ABCB11: variants seen among roughly 807,000 people sequenced by gnomAD.
ABCB11 encodes the protein ATP binding cassette subfamily B member 11, also known as bile salt export pump.
Under a neutral mutation model 148.0 loss-of-function variants are expected in ABCB11, and 95 were observed. The observed-to-expected ratio is 0.64, with a 90% CI of 0.54 to 0.76. The LOEUF is 0.76. Ranked by LOEUF, ABCB11 falls within the 30% of genes least tolerant of loss-of-function variation. The probability of loss-of-function intolerance (pLI) is 0.00; values close to 1 mark genes in which losing one functional copy is unlikely to be tolerated. For missense variants in ABCB11, 1,523 were observed against 1,617.8 expected, an observed-to-expected ratio of 0.94 and a Z score of 1.01; for synonymous variants, 591 against 555.4, an observed-to-expected ratio of 1.06 and a Z score of -0.90.
intron 18 of ABCB11, among the ~76,000 whole-genome samples, chr2:168,958,460 G>C (rs1048368289): frequency 6.6e-6 from 1 of 151,496 alleles, no homozygotes; most frequent in African/African-American, 2.4e-5. Flanking sequence ...GAAAACCTTT[G>C]CTACGGTTGT....
chr2:168,974,541 A>C (rs1693730197), intron 12 of ABCB11, among the ~76,000 whole-genome samples: 1 of 151,958 alleles, frequency 6.6e-6, no homozygotes, highest in African/African-American at 2.4e-5. Flanking sequence ...TAGGAGTCAA[A>C]CTTGCAAATA....
At chr2:168,953,189 TG>T (rs1237520836) in intron 19 of ABCB11, among the ~76,000 whole-genome samples, 2 of 151,690 alleles carry the variant, frequency 1.3e-5, no homozygotes, top group African/African-American at 4.8e-5. Flanking sequence ...CTGTAGTTGT[TG>T]GGTAGAATGT....
intron 8 of ABCB11, 78 bp downstream of exon 8, chr2:168,993,633 G>T: frequency 7.4e-7 from 1 of 1,354,248 alleles, no homozygotes; most frequent in South Asian, 1.3e-5. Flanking sequence ...CTCAGGAAAA[G>T]GGACTCAAGC....
intron 12 of ABCB11, among the ~76,000 whole-genome samples, chr2:168,976,114 C>A (rs1374280101): frequency 6.6e-6 from 1 of 152,054 alleles, no homozygotes; most frequent in Non-Finnish European, 1.5e-5. Context: ...GATGCAGTGA[C>A]CTAGTGAATT....
At chr2:168,960,920 T>A (rs1241768403) in intron 18 of ABCB11, among the ~76,000 whole-genome samples, 4 of 151,696 alleles carry the variant, frequency 2.6e-5, no homozygotes, top group African/African-American at 9.7e-5. Context: ...AAAATTTATA[T>A]GTGTTTCCTT....
At chr2:168,929,907 G>A (rs1416957595) in intron 25 of ABCB11, among the ~76,000 whole-genome samples, 1 of 152,100 alleles carries the variant, frequency 6.6e-6, no homozygotes, top group Non-Finnish European at 1.5e-5. Flanking sequence ...AATAGCATGA[G>A]CATATTATTT....
rs1049247100 is a variant in ABCB11, at chr2:168,975,110, T to A, written c.1309-1270A>T. ...TTATATTTAAATATTTATAGATAAA[T>A]GTATAAACAAATATTTTTATATTTA... On this transcript the variant is annotated intron_variant, in intron 12 of 27. Coordinates refer to ENST00000650372, the MANE Select transcript of ABCB11 (RefSeq NM_003742.4). 2.7e-3 allele frequency among the ~76,000 whole-genome samples: 358 copies of A among 132,446 alleles called. 14 individuals carry two copies. Among genetic ancestry groups the A allele is most frequent in the Non-Finnish European group, 4.4e-3 (278 of 63,744 alleles). 86.9% of individuals were successfully genotyped at this position (132,446 alleles called of 152,430 possible). A position where few individuals can be genotyped will look rare whatever the true frequency, so the allele number is the denominator to read the frequency against.
chr2:169,030,744 G>T (rs370375935), intron 1 of ABCB11, among the ~76,000 whole-genome samples: 5 of 151,892 alleles, frequency 3.3e-5, no homozygotes, highest in Non-Finnish European at 7.4e-5. Context: ...TTTGAAAACC[G>T]GGACAATGAA....
At chr2:168,923,870 C>A in intron 27 of ABCB11, 48 bp from the exon 28 acceptor site, 1 of 1,573,076 alleles carries the variant, frequency 6.4e-7, no homozygotes, top group Non-Finnish European at 8.7e-7. Context: ...TGATTGCTCC[C>A]CAGCCCACCA....
At position 169,013,341 on chromosome 2, in the gene ABCB11, C is replaced by A; in HGVS notation, c.320G>T (p.Cys107Phe). The change falls in exon 5 of 28, where the codon TGT becomes TTT. Residue 107 changes from cysteine (C) to phenylalanine (F), a missense_variant. Transcript: ENST00000650372. ...AGTCCATACAATGGTGTTATTCACA[C>A]ATGCTTTTCCTGGAATCTGGAGTTC... Reference protein sequence around the residue: ...LQELQIPGKACVNNTIVWTNS... With the variant: ...LQELQIPGKAFVNNTIVWTNS... 2 of 1,613,806 alleles carry A rather than the reference C, an allele frequency of 1.2e-6. No homozygotes were observed. The highest frequency in any genetic ancestry group is 1.7e-6 in the Non-Finnish European group (2 of 1,179,746).
At chr2:169,026,727 C>A (rs1255234231) in intron 1 of ABCB11, among the ~76,000 whole-genome samples, 1 of 152,066 alleles carries the variant, frequency 6.6e-6, no homozygotes, top group Non-Finnish European at 1.5e-5. Flanking sequence ...TGTTGGGAAA[C>A]CCATACATCA....
intron 10 of ABCB11, among the ~76,000 whole-genome samples, chr2:168,985,197 A>G (rs1043994763): frequency 6.6e-6 from 1 of 152,208 alleles, no homozygotes; most frequent in African/African-American, 2.4e-5. Flanking sequence ...CCACAATGTG[A>G]TACCACCTTA....
chr2:168,977,252 A>C (rs1424896814), intron 11 of ABCB11, among the ~76,000 whole-genome samples: 1 of 152,004 alleles, frequency 6.6e-6, no homozygotes, highest in African/African-American at 2.4e-5. Flanking sequence ...ACCGTCACCA[A>C]ACTAGACTGG....
At chr2:169,015,410 C>T (rs138777077) in intron 3 of ABCB11, among the ~76,000 whole-genome samples, 25 of 152,258 alleles carry the variant, frequency 1.6e-4, no homozygotes, top group Middle Eastern at 3.4e-3. Flanking sequence ...AGACTCCCCA[C>T]GGTCTGGCCC....
chr2:168,929,590 T>A (rs889376333), intron 25 of ABCB11, among the ~76,000 whole-genome samples: 1 of 152,180 alleles, frequency 6.6e-6, no homozygotes, highest in Non-Finnish European at 1.5e-5. Context: ...TGCTCTGAAT[T>A]CTTGATAAAA....
At chr2:168,923,883 A>G in intron 27 of ABCB11, 61 bp from the exon 28 acceptor site, 1 of 1,530,666 alleles carries the variant, frequency 6.5e-7, no homozygotes, top group Non-Finnish European at 9.0e-7. Context: ...GCCCACCATC[A>G]TGAGAGTTCA....
At chr2:169,002,215 A>G (rs1694897456) in intron 5 of ABCB11, among the ~76,000 whole-genome samples, 2 of 152,192 alleles carry the variant, frequency 1.3e-5, no homozygotes, top group Non-Finnish European at 2.9e-5. Flanking sequence ...AAGTGATAAC[A>G]TTTATGGAGA....
rs188268521 is a variant in ABCB11, at chr2:168,949,439, T to A, written c.2344-4478A>T. Among the ~76,000 whole-genome samples the A allele has an allele frequency of 5.7e-3, 860 of 151,780 alleles. 29 individuals carry two copies. Among genetic ancestry groups the A allele is most frequent in the Non-Finnish European group, 9.6e-4 (65 of 67,776 alleles). ...CCATTGTTTAGCTCTCACTTTTAAG[T>A]GAGAACATGTGGCATCTGATTTTTT... On this transcript the variant is annotated intron_variant, in intron 19 of 27. Transcript: ENST00000650372.
rs1321203517 is a variant in ABCB11, at chr2:169,027,185, C to T, written c.-28+4040G>A. Among the ~76,000 whole-genome samples the T allele has an allele frequency of 2.0e-5, 3 of 152,182 alleles. No individual in the cohort carries two copies. The East Asian group carries it at 5.8e-4, about 29-fold the overall frequency. ...TCCCCAAAATCTCTTCAGGAACAGACTGAGAATTTTCAAGGCATTCCAGAA... is the reference window on the plus strand; with the variant it reads ...TCCCCAAAATCTCTTCAGGAACAGATTGAGAATTTTCAAGGCATTCCAGAA... On this transcript the variant is annotated intron_variant, in intron 1 of 27. Transcript: ENST00000650372.
Sources: gnomAD v4.1 joint callset for allele counts (sites outside exome capture counted in the v4.1 genomes callset) on GRCh38, gnomAD v4.1.1 for gene constraint, MANE v1.5 for transcripts, NCBI Gene and HGNC (gene_info 2026-07-23, HGNC 2026-07-21) for gene names.